SFI1: variants seen among roughly 807,000 people sequenced by gnomAD.
SFI1 encodes the protein protein SFI1 homolog.
SFI1 carries 195 observed loss-of-function variants against 207.5 expected under a neutral mutation model. The ratio of observed to expected loss-of-function variants is 0.94; its 90% CI spans 0.84 to 1.06. The LOEUF is 1.06. SFI1 is among the 50% of genes least tolerant of loss of function. The probability of loss-of-function intolerance (pLI) is 0.00; values close to 1 mark genes in which losing one functional copy is unlikely to be tolerated. For missense variants in SFI1, 1,634 were observed against 1,588.0 expected, an observed-to-expected ratio of 1.03 and a Z score of -0.49; for synonymous variants, 630 against 598.9, an observed-to-expected ratio of 1.05 and a Z score of -0.76.
At chr22:31,613,951 G>T in intron 27 of SFI1, 96 bp downstream of exon 27, 1 of 1,415,946 alleles carries the variant, frequency 7.1e-7, no homozygotes, top group Non-Finnish European at 9.3e-7. Context: ...GGATGGGACG[G>T]GCTGGTCACG....
At chr22:31,561,705 C>G (rs2148288337) in intron 8 of SFI1, among the ~76,000 whole-genome samples, 1 of 152,274 alleles carries the variant, frequency 6.6e-6, no homozygotes, top group African/African-American at 2.4e-5. Context: ...TTGCTGTTTT[C>G]CTACAGCAAA....
intron 5 of SFI1, 30 bp downstream of exon 5, chr22:31,547,001 T>A: frequency 1.4e-6 from 2 of 1,391,382 alleles, no homozygotes; most frequent in Non-Finnish European, 2.0e-6. Context: ...TCCTTCAGTT[T>A]TACTGATGCA....
intron 15 of SFI1, among the ~76,000 whole-genome samples, chr22:31,593,589 G>T (rs1442586760): frequency 9.1e-6 from 1 of 109,342 alleles, no homozygotes; most frequent in African/African-American, 3.6e-5. Flanking sequence ...CTTCCCAGAC[G>T]GGGTGGCGGC....
intron 3 of SFI1, among the ~76,000 whole-genome samples, chr22:31,530,125 TCA>T (rs1422725635): frequency 2.5e-4 from 26 of 104,590 alleles, no homozygotes; most frequent in Non-Finnish European, 4.0e-4. Context: ...TGAGCCGAGA[TCA>T]CACCACTGCA....
intron 22 of SFI1, 60 bp from the exon 23 acceptor site, chr22:31,611,083 T>C: frequency 6.2e-7 from 1 of 1,602,750 alleles, no homozygotes; most frequent in Non-Finnish European, 8.5e-7. Flanking sequence ...ACCTTCACCA[T>C]TATGTAGTCA....
At chr22:31,606,879 G>A (rs1407233799) in intron 21 of SFI1, among the ~76,000 whole-genome samples, 1 of 151,746 alleles carries the variant, frequency 6.6e-6, no homozygotes, top group African/African-American at 2.4e-5. Context: ...TGTATTTTTA[G>A]TAGAGATGGG....
chr22:31,580,606 G>C (rs916875394), intron 12 of SFI1, among the ~76,000 whole-genome samples: 2 of 138,808 alleles, frequency 1.4e-5, no homozygotes, highest in African/African-American at 2.7e-5. Flanking sequence ...ACAGTGGCAC[G>C]ATCTCAGCTC....
chr22:31,561,857 G>C (rs1186522552), intron 8 of SFI1, among the ~76,000 whole-genome samples: 2 of 152,084 alleles, frequency 1.3e-5, no homozygotes, highest in African/African-American at 4.8e-5. Flanking sequence ...GCTAAGGCCT[G>C]TACTAAAACT....
chr22:31,600,492 G>C (rs2067924442), intron 15 of SFI1, among the ~76,000 whole-genome samples: 1 of 152,072 alleles, frequency 6.6e-6, no homozygotes, highest in Non-Finnish European at 1.5e-5. Flanking sequence ...TCCCCTCTTG[G>C]CCCTGCAGCA....
chr22:31,563,191 C>G (rs902322368), intron 8 of SFI1, among the ~76,000 whole-genome samples: 2 of 151,840 alleles, frequency 1.3e-5, no homozygotes, highest in Non-Finnish European at 2.9e-5. Flanking sequence ...TGGGGTTTCA[C>G]CGTGTTGCCC....
chr22:31,616,052 C>T (rs1210829524), intron 29 of SFI1: 1 of 152,088 alleles, frequency 6.6e-6, no homozygotes, highest in Non-Finnish European at 1.5e-5. Flanking sequence ...ACTGCGGCCT[C>T]TAGGAGGAGA....
chr22:31,580,069 T>C (rs757645375), intron 11 of SFI1: 4 of 518,472 alleles, frequency 7.7e-6, no homozygotes, highest in Non-Finnish European at 1.4e-5. Context: ...ATTTATTAAG[T>C]GCCTGCTGTG....
intron 12 of SFI1, 109 bp from the exon 13 acceptor site, chr22:31,583,766 T>A (rs2064656123): frequency 1.1e-6 from 1 of 923,076 alleles, no homozygotes; most frequent in African/African-American, 1.6e-5. Flanking sequence ...TGGCTGCTCC[T>A]AACTGAGGTC....
At chr22:31,547,251 C>T (rs952419943) in intron 5 of SFI1, among the ~76,000 whole-genome samples, 4 of 151,982 alleles carry the variant, frequency 2.6e-5, no homozygotes, top group South Asian at 2.1e-4. Flanking sequence ...ATTTTCCCAC[C>T]GATTTTCATT....
intron 2 of SFI1, among the ~76,000 whole-genome samples, chr22:31,524,598 A>G (rs781383699): frequency 2.0e-5 from 3 of 151,668 alleles, no homozygotes; most frequent in Non-Finnish European, 4.4e-5. Context: ...AATTTTTTGT[A>G]GAGACAGGAT....
At chr22:31,555,334 C>A (rs549547226) in intron 6 of SFI1, among the ~76,000 whole-genome samples, 1 of 152,038 alleles carries the variant, frequency 6.6e-6, no homozygotes, top group South Asian at 2.1e-4. Flanking sequence ...CAAAAAAATA[C>A]AAAAATTAGC....
At chr22:31,615,871 A>G (rs62237832) in intron 29 of SFI1, 6,731 of 152,620 alleles carry the variant, frequency 0.044, 131 homozygotes, top group Non-Finnish European at 0.05. Flanking sequence ...TGACTGGAAG[A>G]AGGAACTGGG....
chr22:31,509,460 G>A (rs2055167856), intron 2 of SFI1, among the ~76,000 whole-genome samples: 1 of 152,196 alleles, frequency 6.6e-6, no homozygotes, highest in Non-Finnish European at 1.5e-5. Context: ...TCTGATGTTC[G>A]AGGGCAGGAA....
chr22:31,541,815 A>G (rs556770111), intron 4 of SFI1, among the ~76,000 whole-genome samples: 11 of 150,920 alleles, frequency 7.3e-5, no homozygotes, highest in Non-Finnish European at 1.3e-4. Context: ...AGAAATGTAC[A>G]GTTTAGGCTG....
Sources: allele counts gnomAD v4.1 joint callset (sites outside exome capture counted in the v4.1 genomes callset), GRCh38; gene constraint gnomAD v4.1.1; transcripts MANE v1.5; gene names NCBI Gene and HGNC (gene_info 2026-07-23, HGNC 2026-07-21).